The following GRM7 variants were observed in gnomAD, a reference collection of about 807,000 sequenced individuals.
GRM7 encodes the protein metabotropic glutamate receptor 7.
GRM7 carries 35 observed loss-of-function variants against 84.5 expected under a neutral mutation model. That is an observed-to-expected ratio of 0.41 (90% CI 0.32 to 0.55). The LOEUF (loss-of-function observed/expected upper bound fraction) is 0.55. GRM7 is among the 20% of genes least tolerant of loss of function. The pLI is 0.19. For synonymous variants in GRM7, 487 were observed against 455.1 expected (o/e 1.07, Z -0.89); for missense variants, 1,003 against 1,194.6 (o/e 0.84, Z 2.36).
chr3:7,398,760 C>T (rs866514273), intron 4 of GRM7, among the ~76,000 whole-genome samples: 1 of 151,984 alleles, frequency 6.6e-6, no homozygotes, highest in African/African-American at 2.4e-5. Flanking sequence ...GACATAAGAG[C>T]CTTAAACCTA....
intron 2 of GRM7, among the ~76,000 whole-genome samples, chr3:7,192,662 A>G (rs149940469): frequency 6.6e-4 from 101 of 152,128 alleles, no homozygotes; most frequent in African/African-American, 2.3e-3. Flanking sequence ...GGCTCCTTCC[A>G]AGCAGCCTGT....
At chr3:6,921,688 G>A (rs1259145655) in intron 1 of GRM7, among the ~76,000 whole-genome samples, 1 of 152,028 alleles carries the variant, frequency 6.6e-6, no homozygotes, top group Non-Finnish European at 1.5e-5. Flanking sequence ...ATAGACCTCC[G>A]AAATGGGTGT....
chr3:7,300,859 T>G (rs185886689), intron 3 of GRM7, among the ~76,000 whole-genome samples: 2 of 152,284 alleles, frequency 1.3e-5, no homozygotes, highest in African/African-American at 4.8e-5. Flanking sequence ...GTTCGTAAAA[T>G]TAGGGCAGAA....
At chr3:6,921,643 A>G (rs1697128341) in intron 1 of GRM7, among the ~76,000 whole-genome samples, 1 of 152,108 alleles carries the variant, frequency 6.6e-6, no homozygotes, top group African/African-American at 2.4e-5. Flanking sequence ...CAGGCTCTGC[A>G]CTGTGTTGCT....
At chr3:7,653,214 C>G (rs879519877) in intron 8 of GRM7, among the ~76,000 whole-genome samples, 3 of 85,508 alleles carry the variant, frequency 3.5e-5, no homozygotes, top group Admixed American at 1.6e-4. Flanking sequence ...TGCTTTACAT[C>G]TTTCTCCCCT....
chr3:7,055,906 C>T (rs1042361051), intron 1 of GRM7, among the ~76,000 whole-genome samples: 1 of 151,890 alleles, frequency 6.6e-6, no homozygotes, highest in African/African-American at 2.4e-5. Flanking sequence ...TAGGCTTTTC[C>T]TGTGTCAGGT....
chr3:7,328,645 A>C (rs542973416), intron 4 of GRM7, among the ~76,000 whole-genome samples: 2 of 152,214 alleles, frequency 1.3e-5, no homozygotes, highest in South Asian at 4.2e-4. Context: ...CCAGCCCTAG[A>C]CTTTCTGCTT....
At chr3:7,075,642 C>G (rs1698045826) in intron 1 of GRM7, among the ~76,000 whole-genome samples, 1 of 151,966 alleles carries the variant, frequency 6.6e-6, no homozygotes, top group African/African-American at 2.4e-5. Context: ...TCTTGTGCCT[C>G]AACCTCCTGA....
intron 6 of GRM7, among the ~76,000 whole-genome samples, chr3:7,458,364 C>T (rs1247135084): frequency 2.6e-5 from 4 of 152,198 alleles, no homozygotes; most frequent in East Asian, 3.9e-4. Flanking sequence ...CTCCTCTGGA[C>T]TTTTTTAAAA....
At chr3:7,268,365 A>G (rs1698726388) in intron 2 of GRM7, among the ~76,000 whole-genome samples, 1 of 151,918 alleles carries the variant, frequency 6.6e-6, no homozygotes, top group Non-Finnish European at 1.5e-5. Context: ...CTGAGGTGGA[A>G]GGATTAGTTG....
chr3:7,307,254 G>C (rs1295673724), intron 4 of GRM7, among the ~76,000 whole-genome samples: 1 of 152,174 alleles, frequency 6.6e-6, no homozygotes, highest in Admixed American at 6.5e-5. Flanking sequence ...AAGTAGGAAA[G>C]AGTGTCTGTT....
At chr3:7,479,183 G>A (rs1395192001) in intron 7 of GRM7, among the ~76,000 whole-genome samples, 1 of 151,940 alleles carries the variant, frequency 6.6e-6, no homozygotes, top group East Asian at 1.9e-4. Flanking sequence ...AGGGAAAGAG[G>A]CCAGGACAGA....
chr3:6,881,533 T>C (rs943173988), intron 1 of GRM7, among the ~76,000 whole-genome samples: 2 of 152,046 alleles, frequency 1.3e-5, no homozygotes, highest in Non-Finnish European at 2.9e-5. Context: ...CTTTATCCAG[T>C]CTATTGTTGA....
In GRM7 at chr3:7,129,642, G is replaced by A. The variant is rs73811610; in HGVS notation, c.520-16810G>A. 6.4e-4 allele frequency among the ~76,000 whole-genome samples: 97 copies of A among 152,138 alleles called. 1 individual carries two copies. The highest frequency in any genetic ancestry group is 2.3e-3 in the African/African-American group (95 of 41,488). On this transcript the variant is annotated intron_variant, in intron 1 of 9. Coordinates refer to ENST00000357716, the MANE Select transcript of GRM7 (RefSeq NM_000844.4). ...CCATATCCCCTTTCTTACTGCTTGA[G>A]AGATGAGTTCATGAGTGCTGGAGCT...
intron 1 of GRM7, among the ~76,000 whole-genome samples, chr3:6,882,714 TG>T (rs1374029734): frequency 6.6e-6 from 1 of 152,138 alleles, no homozygotes; most frequent in Non-Finnish European, 1.5e-5. Context: ...AAAAATGTTT[TG>T]TATCTTTTTT....
rs538207343 is a variant in GRM7, at chr3:7,164,249, C to G, written c.736+17581C>G. Among the ~76,000 whole-genome samples, 3 of 152,262 alleles carry G rather than the reference C, an allele frequency of 2.0e-5. No homozygotes were observed. The South Asian group carries it at 6.2e-4, about 32-fold the overall frequency. The stretch of plus-strand genomic sequence containing the variant: ...TGGCATGAGCCTGTAGTCCCAGCTA[C>G]TTGGGAGGCTGAGGCAGGAGAATCA... On this transcript the variant is annotated intron_variant, in intron 2 of 9. Transcript: ENST00000357716.
At chr3:7,203,103 T>A (rs1477716223) in intron 2 of GRM7, among the ~76,000 whole-genome samples, 1 of 152,194 alleles carries the variant, frequency 6.6e-6, no homozygotes, top group Non-Finnish European at 1.5e-5. Flanking sequence ...ATACACAAAA[T>A]ATCATTGCTA....
intron 1 of GRM7, among the ~76,000 whole-genome samples, chr3:6,877,048 T>C (rs916947864): frequency 2.6e-5 from 4 of 152,234 alleles, no homozygotes; most frequent in African/African-American, 9.6e-5. Flanking sequence ...TTTCAGCCAA[T>C]TGAATGGAAT....
chr3:7,539,331 G>T (rs1438803339), intron 7 of GRM7, among the ~76,000 whole-genome samples: 1 of 152,112 alleles, frequency 6.6e-6, no homozygotes. Context: ...TTCACCTGAC[G>T]ATCAGGAAGT....
Sources: allele counts gnomAD v4.1 joint callset (sites outside exome capture counted in the v4.1 genomes callset), GRCh38; gene constraint gnomAD v4.1.1; transcripts MANE v1.5; gene names NCBI Gene and HGNC (gene_info 2026-07-23, HGNC 2026-07-21).